Variants in FARS2 observed in about 807,000 individuals in gnomAD.
The protein encoded by FARS2 is phenylalanyl-tRNA synthetase 2, mitochondrial.
In FARS2, 40 loss-of-function variants were observed where a neutral mutation model predicts 46.4. That is an observed-to-expected ratio of 0.86 (90% confidence interval 0.67 to 1.12). The LOEUF (loss-of-function observed/expected upper bound fraction) is 1.12, where lower values mean the gene tolerates loss of function less well. Among genes scored for constraint, FARS2 ranks in the 50% most tolerant of loss-of-function variants. The pLI is 0.00. For missense variants in FARS2, 513 were observed against 567.9 expected, an observed-to-expected ratio of 0.90 and a Z score of 0.98; for synonymous variants, 234 against 214.9, an observed-to-expected ratio of 1.09 and a Z score of -0.78.
chr6:5,369,920 A>G (rs1758941224), intron 2 of FARS2, among the ~76,000 whole-genome samples: 1 of 150,412 alleles, frequency 6.6e-6, no homozygotes, highest in Admixed American at 6.6e-5. Flanking sequence ...TAAAAGCTTG[A>G]TTCCATTTCC....
intron 5 of FARS2, among the ~76,000 whole-genome samples, chr6:5,593,023 G>A (rs1377587585): frequency 6.6e-6 from 1 of 152,030 alleles, no homozygotes; most frequent in African/African-American, 2.4e-5. Context: ...TCTTCCCTCT[G>A]GCCCTCACCC....
intron 4 of FARS2, among the ~76,000 whole-genome samples, chr6:5,484,957 C>T (rs974244427): frequency 6.6e-6 from 1 of 152,190 alleles, no homozygotes; most frequent in African/African-American, 2.4e-5. Context: ...CCAGATTAGA[C>T]ACTGTGGGTG....
intron 6 of FARS2, among the ~76,000 whole-genome samples, chr6:5,705,769 C>T (rs182159582): frequency 4.9e-4 from 75 of 152,324 alleles, no homozygotes; most frequent in African/African-American, 1.5e-3. Context: ...CCTCAGCTCG[C>T]GCCCCTGTGC....
upstream of FARS2, among the ~76,000 whole-genome samples, chr6:5,258,951 G>T (rs533807944): frequency 6.6e-6 from 1 of 152,160 alleles, no homozygotes; most frequent in East Asian, 1.9e-4. Context: ...ATTTGAAAAC[G>T]CTTGGGCCTC....
chr6:5,311,523 A>G lies in FARS2; in HGVS notation c.-22+49863A>G, dbSNP rs1769079205. Among the ~76,000 whole-genome samples the G allele has an allele frequency of 6.6e-6, 1 of 152,218 alleles. No homozygotes were observed. The highest frequency in any genetic ancestry group is 1.5e-5 in the Non-Finnish European group (1 of 68,048). On this transcript the variant is annotated intron_variant, in intron 1 of 6. Coordinates refer to ENST00000274680, the MANE Select transcript of FARS2 (RefSeq NM_006567.5). The surrounding 1 kb of genome is among the most constrained non-coding windows in gnomAD (Gnocchi z 4.1). ...TCTTTTTACTTCTGTGTATTAAAAC[A>G]TGCATACACCTGCACGACCCTAATA...
intron 6 of FARS2, among the ~76,000 whole-genome samples, chr6:5,682,464 TG>T (rs1275745867): frequency 6.6e-6 from 1 of 152,228 alleles, no homozygotes; most frequent in Non-Finnish European, 1.5e-5. Flanking sequence ...GGAATTCATT[TG>T]CAAAGATGTT....
At chr6:5,467,043 C>G (rs1204017478) in intron 4 of FARS2, 1 of 984,950 alleles carries the variant, frequency 1.0e-6, no homozygotes, top group Non-Finnish European at 1.2e-6. Flanking sequence ...ATAGATGGAC[C>G]ATGGGATACC....
At chr6:5,504,700 T>G (rs1768007008) in intron 4 of FARS2, among the ~76,000 whole-genome samples, 1 of 152,198 alleles carries the variant, frequency 6.6e-6, no homozygotes, top group Non-Finnish European at 1.5e-5. Flanking sequence ...GTTACAAAAC[T>G]GCTCAAGGTA....
chr6:5,291,282 C>T (rs1222663564), intron 1 of FARS2: 1 of 152,146 alleles, frequency 6.6e-6, no homozygotes, highest in African/African-American at 2.4e-5. Flanking sequence ...AACCTCGATC[C>T]TCTCATTTAT....
intron 5 of FARS2, among the ~76,000 whole-genome samples, chr6:5,555,384 A>G (rs1388246672): frequency 6.6e-6 from 1 of 152,162 alleles, no homozygotes; most frequent in African/African-American, 2.4e-5. Context: ...TTTCACTGAT[A>G]CTGACCGATG....
At chr6:5,702,885 C>T (rs538359530) in intron 6 of FARS2, among the ~76,000 whole-genome samples, 2 of 152,220 alleles carry the variant, frequency 1.3e-5, no homozygotes, top group East Asian at 3.9e-4. Flanking sequence ...ACTTATCTTT[C>T]CTGTACCCCC....
chr6:5,635,473 G>C (rs1367968732), intron 6 of FARS2, among the ~76,000 whole-genome samples: 4 of 152,174 alleles, frequency 2.6e-5, no homozygotes, highest in Non-Finnish European at 5.9e-5. Flanking sequence ...ATAAAAGTTT[G>C]GTGGGTTTTT....
At chr6:5,324,809 A>G (rs1581785493) in intron 1 of FARS2, among the ~76,000 whole-genome samples, 3 of 152,120 alleles carry the variant, frequency 2.0e-5, no homozygotes, top group Non-Finnish European at 4.4e-5. Context: ...AAGTGCCCCA[A>G]GGTCACTGTG....
chr6:5,396,864 C>G (rs1320828095), intron 2 of FARS2, among the ~76,000 whole-genome samples: 1 of 152,128 alleles, frequency 6.6e-6, no homozygotes, highest in East Asian at 1.9e-4. Flanking sequence ...GCTGTTGCTG[C>G]CCTGGTTACA....
intron 2 of FARS2, among the ~76,000 whole-genome samples, chr6:5,397,519 T>C (rs1760981283): frequency 6.6e-6 from 1 of 152,162 alleles, no homozygotes; most frequent in African/African-American, 2.4e-5. Flanking sequence ...ATGCTGATAG[T>C]GGAGGAGGCT....
At chr6:5,438,256 C>A (rs1198746959) in intron 4 of FARS2, among the ~76,000 whole-genome samples, 1 of 83,186 alleles carries the variant, frequency 1.2e-5, no homozygotes, top group Non-Finnish European at 2.2e-5. Flanking sequence ...GCCCCCCCCC[C>A]CATTTTTGTT....
intron 2 of FARS2, among the ~76,000 whole-genome samples, chr6:5,384,856 T>A (rs1483862431): frequency 1.3e-5 from 2 of 152,288 alleles, no homozygotes; most frequent in African/African-American, 4.8e-5. Flanking sequence ...GAATACTGAC[T>A]GTTTCACATC....
In FARS2 at chr6:5,727,394, T is replaced by C. The variant is rs1396048630; in HGVS notation, c.1218-43897T>C. ...TCTGAGGCAGTGGTGTCACTTATAC[T>C]TGTTACACTTTTCAGAGGCAGGGTG... On this transcript the variant is annotated intron_variant, in intron 6 of 6. Transcript: ENST00000274680. This position sits in a 1 kb window ranked among gnomAD's most constrained non-coding sequence, Gnocchi z 4.1. 6.6e-6 allele frequency among the ~76,000 whole-genome samples: 1 copy of C among 152,246 alleles called. No individual in the cohort carries two copies. Among genetic ancestry groups the C allele is most frequent in the African/African-American group, 2.4e-5 (1 of 41,462 alleles).
chr6:5,411,280 TTAAAACA>T (rs1214392487), intron 3 of FARS2, among the ~76,000 whole-genome samples: 4 of 147,438 alleles, frequency 2.7e-5, no homozygotes, highest in African/African-American at 1.0e-4. Context: ...TCCTGTCTCT[TTAAAACA>T]AAACAAAACA....
Sources: gnomAD v4.1 joint callset for allele counts (sites outside exome capture counted in the v4.1 genomes callset) on GRCh38, gnomAD v4.1.1 for gene constraint, Gnocchi (gnomAD v3.1) non-coding constraint, MANE v1.5 for transcripts, NCBI Gene and HGNC (gene_info 2026-07-23, HGNC 2026-07-21) for gene names.